RHBDD1: variants seen among roughly 807,000 people sequenced by gnomAD.
RHBDD1 encodes rhomboid-related protein 4.
In RHBDD1, 38 loss-of-function variants were observed where a neutral mutation model predicts 36.3. That is an observed-to-expected ratio of 1.05 (90% CI 0.81 to 1.37). RHBDD1 has a LOEUF of 1.37. Ranked by LOEUF, RHBDD1 falls within the 40% of genes most tolerant of loss-of-function variation. The pLI is 0.00. For synonymous variants in RHBDD1, 151 were observed against 136.5 expected (o/e 1.11, Z -0.74); for missense variants, 393 against 377.6 (o/e 1.04, Z -0.34).
In RHBDD1 at chr2:226,906,838, G is replaced by A. The variant is rs981589593; in HGVS notation, c.612G>A (p.Met204Ile). The change falls in exon 6 of 9, where the codon ATG (methionine) becomes ATA (isoleucine). Residue 204 changes from methionine to isoleucine, a missense_variant. Coordinates refer to ENST00000392062, the MANE Select transcript of RHBDD1 (RefSeq NM_001167608.3). The part of the protein sequence containing the change: ...GHLAGILVGL[M>I]YTQGPLKKIM... ...TGGCTGGGATTCTTGTTGGACTAAT[G>A]TACACTCAAGGGCCTCTGAAGAAAA... is the stretch of plus-strand genomic sequence containing the variant. The A allele has an allele frequency of 3.1e-6, 5 of 1,613,976 alleles. No individual in the cohort carries two copies. Among genetic ancestry groups the A allele is most frequent in the Admixed American group, 1.7e-5 (1 of 59,988 alleles).
intron 5 of RHBDD1, among the ~76,000 whole-genome samples, chr2:226,891,928 A>G (rs1946722787): frequency 6.6e-6 from 1 of 152,218 alleles, no homozygotes; most frequent in South Asian, 2.1e-4. Flanking sequence ...CTGATTGGCC[A>G]GTGCAGGTCG....
intron 3 of RHBDD1, among the ~76,000 whole-genome samples, chr2:226,848,574 A>G (rs1942469645): frequency 6.6e-6 from 1 of 152,222 alleles, no homozygotes; most frequent in Non-Finnish European, 1.5e-5. Context: ...TGAGGTCACA[A>G]GTCAAATCAC....
intron 8 of RHBDD1, among the ~76,000 whole-genome samples, chr2:226,933,151 G>A (rs1318413292): frequency 4.6e-5 from 7 of 152,076 alleles, no homozygotes; most frequent in Non-Finnish European, 1.0e-4. Flanking sequence ...CCGCCCCTGT[G>A]ATCTAATTAC....
At chr2:226,951,960 T>G (rs981897203) in intron 8 of RHBDD1, among the ~76,000 whole-genome samples, 1 of 152,188 alleles carries the variant, frequency 6.6e-6, no homozygotes, top group Admixed American at 6.5e-5. Flanking sequence ...CTCTCAGAAA[T>G]TTTGGTTGTT....
chr2:226,989,295 C>T (rs749879842), intron 8 of RHBDD1, among the ~76,000 whole-genome samples: 6 of 152,142 alleles, frequency 3.9e-5, no homozygotes, highest in African/African-American at 7.2e-5. Flanking sequence ...ACTCACAAGG[C>T]ATACATATTG....
intron 8 of RHBDD1, among the ~76,000 whole-genome samples, chr2:226,940,783 C>G (rs1009684129): frequency 6.6e-6 from 1 of 152,102 alleles, no homozygotes; most frequent in Non-Finnish European, 1.5e-5. Context: ...GCTTAATTCT[C>G]TGTCACAGTA....
chr2:226,837,383 C>T (rs561494368), intron 1 of RHBDD1: 1 of 152,270 alleles, frequency 6.6e-6, no homozygotes, highest in South Asian at 2.1e-4. Context: ...TTGTTTACCT[C>T]GGGATTCTCA....
intron 8 of RHBDD1, among the ~76,000 whole-genome samples, chr2:226,981,141 C>G (rs1955631859): frequency 6.6e-6 from 1 of 152,102 alleles, no homozygotes; most frequent in South Asian, 2.1e-4. Flanking sequence ...ACCGCATGTT[C>G]TCACTCATAG....
At position 226,839,590 on chromosome 2, in the gene RHBDD1, T is replaced by C. The variant is rs1206631199; in HGVS notation, c.-128T>C. ...TGGTGGAATAGAAATCCTCAGGGCA[T>C]GAGCTATACCTAAAACGTAATGGTA... On this transcript the variant is annotated 5_prime_UTR_variant, in exon 3 of 9. It removes an upstream start codon present in the reference 5' UTR. Transcript: ENST00000392062. 1 of 152,206 alleles carries C rather than the reference T, an allele frequency of 6.6e-6. No individual in the cohort carries two copies. Among genetic ancestry groups the C allele is most frequent in the Non-Finnish European group, 1.5e-5 (1 of 68,026 alleles). 9.4% of individuals were successfully genotyped at this position (152,206 alleles called of 1,614,324 possible).
chr2:226,835,012 G>T (rs1291471865), upstream of RHBDD1, among the ~76,000 whole-genome samples: 1 of 152,208 alleles, frequency 6.6e-6, no homozygotes, highest in Admixed American at 6.5e-5. Context: ...CTGACCTCCG[G>T]TGATCCGCCC....
the RHBDD1 span, among the ~76,000 whole-genome samples, chr2:226,801,813 G>A: frequency 6.6e-6 from 1 of 152,116 alleles, no homozygotes; most frequent in African/African-American, 2.4e-5. Flanking sequence ...TGTGTGCCTG[G>A]TTTTACCCTA....
At chr2:226,904,550 A>G (rs1575036914) in intron 5 of RHBDD1, among the ~76,000 whole-genome samples, 1 of 151,960 alleles carries the variant, frequency 6.6e-6, no homozygotes, top group African/African-American at 2.4e-5. Context: ...ATGTGCCATG[A>G]CTTTTAGCAC....
chr2:226,968,732 G>T (rs1952880141), intron 8 of RHBDD1, among the ~76,000 whole-genome samples: 1 of 152,284 alleles, frequency 6.6e-6, no homozygotes, highest in South Asian at 2.1e-4. Context: ...TTCTAGAGGG[G>T]GTGACTATTA....
intron 8 of RHBDD1, among the ~76,000 whole-genome samples, chr2:226,990,524 T>C (rs995278307): frequency 2.0e-5 from 3 of 152,210 alleles, no homozygotes; most frequent in Admixed American, 1.3e-4. Flanking sequence ...GATCTATGAA[T>C]AGCAGCAAAT....
intron 5 of RHBDD1, among the ~76,000 whole-genome samples, chr2:226,870,073 T>C (rs1229523681): frequency 6.6e-6 from 1 of 152,168 alleles, no homozygotes. Flanking sequence ...ATCATGAACA[T>C]CACCCAGAGT....
intron 4 of RHBDD1, 48 bp from the exon 5 acceptor site, chr2:226,867,138 T>C: frequency 1.3e-6 from 2 of 1,528,732 alleles, no homozygotes; most frequent in South Asian, 2.5e-5. Flanking sequence ...ATGTTGATAC[T>C]CCTACTTTTG....
intron 3 of RHBDD1, among the ~76,000 whole-genome samples, chr2:226,857,918 G>A (rs1943490140): frequency 2.0e-5 from 3 of 152,096 alleles, no homozygotes; most frequent in South Asian, 2.1e-4. Context: ...GAATTTTATG[G>A]TATGTGAGTT....
chr2:226,914,620 A>G lies in RHBDD1; in HGVS notation c.856+269A>G, dbSNP rs138642886. On this transcript the variant is annotated intron_variant, in intron 8 of 8. Coordinates refer to ENST00000392062, the MANE Select transcript of RHBDD1 (RefSeq NM_001167608.3). Reference sequence around the variant, plus strand: ...ACTTGATGCTTTGGCATTAAAGTCAAGAAACTTAAAATTCTTAGATGCATG... The same window carrying G: ...ACTTGATGCTTTGGCATTAAAGTCAGGAAACTTAAAATTCTTAGATGCATG... 1.8e-3 allele frequency: 372 copies of G among 204,044 alleles called. 4 individuals carry two copies. Among genetic ancestry groups the G allele is most frequent in the African/African-American group, 8.1e-3 (354 of 43,468 alleles). 12.6% of individuals were successfully genotyped at this position (204,044 alleles called of 1,614,324 possible).
chr2:226,849,812 T>A (rs541560997), intron 3 of RHBDD1, among the ~76,000 whole-genome samples: 1 of 152,348 alleles, frequency 6.6e-6, no homozygotes, highest in Admixed American at 6.5e-5. Flanking sequence ...CTTTCAGAGT[T>A]CCCCAGTGAG....
Sources: allele counts gnomAD v4.1 joint callset (sites outside exome capture counted in the v4.1 genomes callset), GRCh38; gene constraint gnomAD v4.1.1; transcripts MANE v1.5; gene names NCBI Gene and HGNC (gene_info 2026-07-23, HGNC 2026-07-21).